Variants in SERGEF observed in about 807,000 individuals in gnomAD.
The protein encoded by SERGEF is secretion-regulating guanine nucleotide exchange factor.
A neutral mutation model predicts 50.0 loss-of-function variants in SERGEF; 51 were observed. The ratio of observed to expected loss-of-function variants is 1.02; its 90% CI spans 0.81 to 1.29. The LOEUF is 1.29. Ranked by LOEUF, SERGEF falls within the 50% of genes most tolerant of loss-of-function variation. SERGEF has a pLI of 0.00. For synonymous variants in SERGEF, 205 were observed against 212.4 expected, an observed-to-expected ratio of 0.97 and a Z score of 0.30; for missense variants, 521 against 557.0, an observed-to-expected ratio of 0.94 and a Z score of 0.65.
intron 8 of SERGEF, among the ~76,000 whole-genome samples, chr11:17,980,777 C>T (rs1031439871): frequency 2.0e-5 from 3 of 152,050 alleles, no homozygotes; most frequent in Non-Finnish European, 4.4e-5. Context: ...GTTTCCATAC[C>T]TTTGTTTTTG....
intron 10 of SERGEF, among the ~76,000 whole-genome samples, chr11:17,839,938 A>G (rs919987339): frequency 3.3e-5 from 5 of 152,248 alleles, no homozygotes; most frequent in African/African-American, 1.2e-4. Flanking sequence ...GACTTCAAGG[A>G]CACATCTGTC....
intron 8 of SERGEF, among the ~76,000 whole-genome samples, chr11:17,980,701 C>T (rs1012074299): frequency 6.6e-6 from 1 of 152,146 alleles, no homozygotes; most frequent in African/African-American, 2.4e-5. Flanking sequence ...TATTTAATGA[C>T]AATATAATAT....
chr11:17,800,280 C>A (rs1177238184), intron 10 of SERGEF, among the ~76,000 whole-genome samples: 1 of 152,144 alleles, frequency 6.6e-6, no homozygotes. Flanking sequence ...CCACCAACAT[C>A]CCGCACCACT....
intron 8 of SERGEF, among the ~76,000 whole-genome samples, chr11:17,972,877 C>T (rs1853280726): frequency 6.6e-6 from 1 of 152,112 alleles, no homozygotes. Flanking sequence ...AAAGAAACAT[C>T]CCTTTCTCCA....
chr11:17,970,698 A>G (rs1263060193), intron 8 of SERGEF, among the ~76,000 whole-genome samples: 1 of 152,208 alleles, frequency 6.6e-6, no homozygotes, highest in Non-Finnish European at 1.5e-5. Context: ...AATGATAAGA[A>G]AGCAAAATGG....
intron 10 of SERGEF, among the ~76,000 whole-genome samples, chr11:17,826,317 A>G (rs1475237317): frequency 6.6e-6 from 1 of 152,222 alleles, no homozygotes; most frequent in Non-Finnish European, 1.5e-5. Flanking sequence ...ACTCCATGCA[A>G]AGCAGCTATA....
intron 10 of SERGEF, among the ~76,000 whole-genome samples, chr11:17,835,456 G>C (rs115381599): frequency 6.6e-6 from 1 of 152,106 alleles, no homozygotes; most frequent in South Asian, 2.1e-4. Flanking sequence ...TTCCTCCTCC[G>C]ACACTCCTAC....
intron 10 of SERGEF, among the ~76,000 whole-genome samples, chr11:17,823,861 C>G (rs193190881): frequency 4.4e-4 from 67 of 152,316 alleles, no homozygotes; most frequent in Admixed American, 1.1e-3. Flanking sequence ...TTCCTGGTAA[C>G]AGACTTCAAA....
chr11:17,993,730 T>C (rs1275305317), intron 6 of SERGEF, among the ~76,000 whole-genome samples: 1 of 152,162 alleles, frequency 6.6e-6, no homozygotes, highest in East Asian at 1.9e-4. Context: ...TCTGGAATGA[T>C]AACAGGACAA....
At chr11:17,813,104 C>T (rs912940523) in intron 10 of SERGEF, among the ~76,000 whole-genome samples, 4 of 152,216 alleles carry the variant, frequency 2.6e-5, no homozygotes, top group African/African-American at 9.6e-5. Flanking sequence ...TCACTTCCAT[C>T]TGTGTAAATT....
chr11:17,804,399 A>C (rs1469680414), intron 10 of SERGEF, among the ~76,000 whole-genome samples: 1 of 152,210 alleles, frequency 6.6e-6, no homozygotes, highest in African/African-American at 2.4e-5. Context: ...GGCTCCATGG[A>C]ATCCTACAGC....
intron 10 of SERGEF, chr11:17,855,261 GC>G (rs1193870299): frequency 2.0e-5 from 3 of 152,142 alleles, no homozygotes; most frequent in African/African-American, 7.2e-5. Flanking sequence ...TGCTATTGGA[GC>G]CCTTGGAGGG....
chr11:18,003,876 A>C (rs1422737623), intron 4 of SERGEF, among the ~76,000 whole-genome samples: 4 of 152,186 alleles, frequency 2.6e-5, no homozygotes, highest in African/African-American at 9.7e-5. Flanking sequence ...AAAATGTTCT[A>C]AAATAAGATA....
intron 9 of SERGEF, among the ~76,000 whole-genome samples, chr11:17,937,687 A>T (rs536964408): frequency 8.5e-5 from 13 of 152,320 alleles, no homozygotes; most frequent in African/African-American, 2.9e-4. Flanking sequence ...TATTATTTTT[A>T]AAAATTCCTG....
At chr11:17,872,738 T>C (rs974026947) in intron 10 of SERGEF, among the ~76,000 whole-genome samples, 4 of 152,142 alleles carry the variant, frequency 2.6e-5, no homozygotes, top group African/African-American at 9.7e-5. Context: ...TACATAAATG[T>C]CCATGAACAG....
chr11:18,009,053 C>T lies in SERGEF; in HGVS notation c.61-977G>A, dbSNP rs1164549785. ...GTTTCAGACTTAGAAACACTCTTAC[C>T]CCATCTCCTTTCTTCCCTCCTCAAA... On this transcript the variant is annotated intron_variant, in intron 1 of 10. Coordinates refer to ENST00000265965, the MANE Select transcript of SERGEF (RefSeq NM_012139.4). Among the ~76,000 whole-genome samples the T allele has an allele frequency of 2.6e-5, 4 of 151,988 alleles. 1 individual carries two copies. The highest frequency in any genetic ancestry group is 5.9e-5 in the Non-Finnish European group (4 of 68,010).
Position 18,013,019 on chromosome 11 carries a change from G to A in SERGEF, c.-9C>T, listed in dbSNP as rs1450621233. ...CTGGGCTCGCGCTCCATGCGAGGAC[G>A]CTCCGCCGGCGCTTCCGGGAGGGAC... On this transcript the variant is annotated 5_prime_UTR_variant, in exon 1 of 11. Transcript: ENST00000265965. This position sits in a 1 kb window ranked among gnomAD's most constrained non-coding sequence, Gnocchi z 4.3. The A allele has an allele frequency of 5.1e-6, 7 of 1,373,804 alleles. No individual in the cohort carries two copies. The highest frequency in any genetic ancestry group is 6.5e-6 in the Non-Finnish European group (7 of 1,074,468). The allele number at this position is 1,373,804 out of a possible 1,614,324, so 85.1% of individuals were successfully genotyped here.
intron 10 of SERGEF, among the ~76,000 whole-genome samples, chr11:17,836,986 A>AATCATTC (rs1310679298): frequency 6.6e-6 from 1 of 152,188 alleles, no homozygotes; most frequent in Non-Finnish European, 1.5e-5. Context: ...TGAATGAATG[A>AATCATTC]ATCATTCAGA....
chr11:17,792,820 A>G (rs553116642), intron 10 of SERGEF, among the ~76,000 whole-genome samples: 3 of 152,306 alleles, frequency 2.0e-5, no homozygotes, highest in African/African-American at 7.2e-5. Context: ...GGGCTTGTCA[A>G]GCTTATTCTA....
Sources: gnomAD v4.1 joint callset for allele counts (sites outside exome capture counted in the v4.1 genomes callset) on GRCh38, gnomAD v4.1.1 for gene constraint, Gnocchi (gnomAD v3.1) non-coding constraint, MANE v1.5 for transcripts, NCBI Gene and HGNC (gene_info 2026-07-23, HGNC 2026-07-21) for gene names.